FANCG: variants seen among roughly 807,000 people sequenced by gnomAD.
The protein encoded by FANCG is FA complementation group G.
A neutral mutation model predicts 73.3 loss-of-function variants in FANCG; 67 were observed. The observed-to-expected ratio is 0.91, with a 90% confidence interval of 0.75 to 1.12. The LOEUF is 1.12. Ranked by LOEUF, FANCG falls within the 50% of genes most tolerant of loss-of-function variation. FANCG has a pLI of 0.00. For missense variants in FANCG, 643 were observed against 735.6 expected (o/e 0.87, Z 1.46); for synonymous variants, 297 against 311.6 (o/e 0.95, Z 0.49).
Position 35,076,269 on chromosome 9 carries a change from C to T in FANCG, c.1076+163G>A. 4 of 850,172 alleles carry T rather than the reference C, an allele frequency of 4.7e-6. No individual in the cohort carries two copies. The South Asian group carries it at 5.6e-5, about 12-fold the overall frequency. The allele number at this position is 850,172 out of a possible 1,614,324, so 52.7% of individuals were successfully genotyped here. On this transcript the variant is annotated intron_variant, in intron 8 of 13. Coordinates refer to ENST00000378643, the MANE Select transcript of FANCG (RefSeq NM_004629.2). Reference sequence around the variant, plus strand: ...AAGGTTAATGTCTTAGAGAAGAGTCCTCAGTTCAGGTCTAGAAGCAAGGTA... The same window carrying T: ...AAGGTTAATGTCTTAGAGAAGAGTCTTCAGTTCAGGTCTAGAAGCAAGGTA...
At position 35,078,198 on chromosome 9, in the gene FANCG, C is replaced by T; in HGVS notation, c.453G>A (p.Leu151=). The change falls in exon 4 of 14, where the codon TTG becomes TTA. Residue 151 remains leucine (L), a synonymous_variant. Transcript: ENST00000378643. ...RLVGLQAALW[L]SADRLGDLAL... ...CCAGGTCCCCAAGACGGTCAGCACT[C>T]AACCAGAGGGCAGCCTGCAGGCCAA... 1 of 1,614,198 alleles carries T rather than the reference C, an allele frequency of 6.2e-7. No individual in the cohort carries two copies. The highest frequency in any genetic ancestry group is 8.5e-7 in the Non-Finnish European group (1 of 1,180,044).
Position 35,076,565 on chromosome 9 carries a change from T to C in FANCG, c.943A>G (p.Ser315Gly), listed in dbSNP as rs1266342011. 2 of 1,614,050 alleles carry C rather than the reference T, an allele frequency of 1.2e-6. No individual in the cohort carries two copies. Among genetic ancestry groups the C allele is most frequent in the African/African-American group, 1.3e-5 (1 of 74,924 alleles). Residue 315 changes from serine (S) to glycine (G), a missense_variant, in exon 8 of 14, where the codon AGT becomes GGT. Coordinates refer to ENST00000378643, the MANE Select transcript of FANCG (RefSeq NM_004629.2). ...ATGAGAAACTGCGGGGCTTTGGAACTGCATGGGACATTCAAGGCCTAAAAG... is the reference window on the plus strand; with the variant it reads ...ATGAGAAACTGCGGGGCTTTGGAACCGCATGGGACATTCAAGGCCTAAAAG... Reference protein sequence around the residue: ...LLVEALNVPCSSKAPQFLIEV... With the variant: ...LLVEALNVPCGSKAPQFLIEV...
In FANCG at chr9:35,076,955, C is replaced by T. The variant is rs759415072; in HGVS notation, c.777+16G>A. Reference sequence around the variant, plus strand: ...ATGCTTGTGGTTTCCCCAATCCACCCTAGGACTGTCTTTACCATCTTACGG... The same window carrying T: ...ATGCTTGTGGTTTCCCCAATCCACCTTAGGACTGTCTTTACCATCTTACGG... On this transcript the variant is annotated intron_variant, in intron 6 of 13. Transcript: ENST00000378643. The T allele has an allele frequency of 6.2e-7, 1 of 1,614,102 alleles. No homozygotes were observed. The highest frequency in any genetic ancestry group is 8.5e-7 in the Non-Finnish European group (1 of 1,179,994).
At chr9:35,078,834 TACAATAAAGA>T in intron 2 of FANCG, 98 bp from the exon 3 acceptor site, 1 of 1,491,278 alleles carries the variant, frequency 6.7e-7, no homozygotes, top group Non-Finnish European at 9.3e-7. Context: ...CCAAAACAGC[TACAATAAAGA>T]ACCCACCCTC....
Position 35,079,197 on chromosome 9 carries a change from A to G in FANCG, c.129T>C (p.Ala43=), listed in dbSNP as rs780764438. ...SGLTLRRQQL[A]QDALEGLRGL... ...CTCTGAGCCCTTCCAGTGCATCCTG[A>G]GCCAACTGCTGTCGCCTCAGAGTCA... Residue 43 remains alanine (A), a synonymous_variant, in exon 2 of 14, where the codon GCT becomes GCC. Coordinates refer to ENST00000378643, the MANE Select transcript of FANCG (RefSeq NM_004629.2). The G allele has an allele frequency of 2.2e-5, 36 of 1,609,166 alleles. No homozygotes were observed. The highest frequency in any genetic ancestry group is 3.1e-5 in the Non-Finnish European group (36 of 1,177,974).
Position 35,075,700 on chromosome 9 carries a change from C to G in FANCG, c.1198G>C (p.Ala400Pro). 6.2e-7 allele frequency: 1 copy of G among 1,605,478 alleles called. No homozygotes were observed. Among genetic ancestry groups the G allele is most frequent in the South Asian group, 1.1e-5 (1 of 90,902 alleles). ...CCTGCCTGGATCAGTGCTACCGCTG[C>G]CTCCAAAAACACCTCAGGCATACAG... ...GPCMPEVFLE[A>P]AVALIQAGRA... The change falls in exon 10 of 14, where the codon GCA (alanine) becomes CCA (proline). Residue 400 changes from alanine (A) to proline (P), a missense_variant. By Grantham distance (27) the Ala-to-Pro change is conservative. Transcript: ENST00000378643.
chr9:35,075,456 C>T lies in FANCG; in HGVS notation c.1433+9G>A, dbSNP rs187315404. ...TCCCTCCACACCCCCTCTAGGACCC[C>T]GGGCTCACCTGCTAAATTCACTAAT... On this transcript the variant is annotated intron_variant, in intron 10 of 13. Coordinates refer to ENST00000378643, the MANE Select transcript of FANCG (RefSeq NM_004629.2). The T allele has an allele frequency of 5.0e-5, 80 of 1,614,082 alleles. No individual in the cohort carries two copies. Among genetic ancestry groups the T allele is most frequent in the Non-Finnish European group, 6.3e-5 (74 of 1,180,020 alleles).
Position 35,078,662 on chromosome 9 carries a change from A to C in FANCG, c.250T>G (p.Leu84Val). 6.2e-7 allele frequency: 1 copy of C among 1,614,166 alleles called. No homozygotes were observed. Among genetic ancestry groups the C allele is most frequent in the Non-Finnish European group, 8.5e-7 (1 of 1,180,040 alleles). The change falls in exon 3 of 14, where the codon TTG becomes GTG. Residue 84 changes from leucine to valine, a missense_variant. Physicochemically the swap from Leu to Val is conservative, Grantham distance 32. Transcript: ENST00000378643. ...TCNFIILRAS[L>V]AQGFTEDQAQ... Reference sequence around the variant, plus strand: ...TGATCCTCTGTGAAACCCTGGGCCAAGCTTGCCCTCAGGATAATGAAGTTG... The same window carrying C: ...TGATCCTCTGTGAAACCCTGGGCCACGCTTGCCCTCAGGATAATGAAGTTG...
Position 35,075,337 on chromosome 9 carries a change from CACAGA to C in FANCG, c.1434-17_1434-13del, listed in dbSNP as rs1341690670. The C allele has an allele frequency of 6.2e-7, 1 of 1,614,086 alleles. No individual in the cohort carries two copies. The highest frequency in any genetic ancestry group is 1.7e-5 in the Admixed American group (1 of 60,026). On this transcript the variant is annotated splice_polypyrimidine_tract_variant and intron_variant, in intron 10 of 13. Transcript: ENST00000378643. Reference sequence around the variant, plus strand: ...GCAGCTCGAGGCACCTGAAGTAGGACACAGAACAGGGGTGAAGAGGAATCAATTTC... The same window carrying C: ...GCAGCTCGAGGCACCTGAAGTAGGACACAGGGGTGAAGAGGAATCAATTTC...
chr9:35,075,739 AGGGGGGT>A lies in FANCG; in HGVS notation c.1152_1158del (p.Pro386LeufsTer15). ...TCAGGCATACAGGGCCCTGGAGGGG[AGGGGGGT>A]GGGGAGAACTGGAGTGGGAAGAAGA... On this transcript the variant is annotated frameshift_variant, in exon 10 of 14. Transcript: ENST00000378643. LOFTEE classifies it high-confidence loss of function. The A allele has an allele frequency of 2.1e-5, 12 of 567,084 alleles. No individual in the cohort carries two copies. The highest frequency in any genetic ancestry group is 4.8e-5 in the East Asian group (1 of 20,702). The allele number at this position is 567,084 out of a possible 1,614,324, so 35.1% of individuals were successfully genotyped here. A position where few individuals can be genotyped will look rare whatever the true frequency, so the allele number is the denominator to read the frequency against.
chr9:35,079,585 CCAAGCTCCCAACCCCAGCGGG>C lies in FANCG; in HGVS notation c.-82_-62del. On this transcript the variant is annotated 5_prime_UTR_variant, in exon 1 of 14. Coordinates refer to ENST00000378643, the MANE Select transcript of FANCG (RefSeq NM_004629.2). ...CTTAGGAAGGGTGAAGCTGGCCTGCCCAAGCTCCCAACCCCAGCGGGGAGGGGCCTGGGCACTTCTGCACCC... is the reference window on the plus strand; with the variant it reads ...CTTAGGAAGGGTGAAGCTGGCCTGCCGAGGGGCCTGGGCACTTCTGCACCC... 6.4e-7 allele frequency: 1 copy of C among 1,552,572 alleles called. No individual in the cohort carries two copies. The highest frequency in any genetic ancestry group is 8.9e-7 in the Non-Finnish European group (1 of 1,125,544).
intron 5 of FANCG, 66 bp from the exon 6 acceptor site, chr9:35,077,167 G>A: frequency 3.7e-6 from 6 of 1,613,860 alleles, no homozygotes; most frequent in South Asian, 3.3e-5. Flanking sequence ...GGGAACAAGG[G>A]TCTAAGAAGC....
chr9:35,078,820 C>G, intron 2 of FANCG, 84 bp from the exon 3 acceptor site: 1 of 1,550,032 alleles, frequency 6.5e-7, no homozygotes, highest in Non-Finnish European at 8.9e-7. Flanking sequence ...TCACCCCACT[C>G]CAACCAAAAC....
rs1336028280 is a variant in FANCG, at chr9:35,078,127, A to C, written c.510+14T>G. On this transcript the variant is annotated intron_variant, in intron 4 of 13. Coordinates refer to ENST00000378643, the MANE Select transcript of FANCG (RefSeq NM_004629.2). ...AGGAGGAGACCCTCAGCTTCAGGTC[A>C]CTTTCCCTATTACCTGGCTGCCATT... 1 of 1,612,836 alleles carries C rather than the reference A, an allele frequency of 6.2e-7. No homozygotes were observed. The highest frequency in any genetic ancestry group is 1.1e-5 in the South Asian group (1 of 91,064).
intron 4 of FANCG, among the ~76,000 whole-genome samples, 195 bp from the exon 5 acceptor site, chr9:35,077,594 T>C (rs574936344): frequency 3.9e-5 from 6 of 151,922 alleles, no homozygotes; most frequent in Non-Finnish European, 7.4e-5. Context: ...TAGATAGCTA[T>C]GAGGCAAGAA....
Position 35,075,991 on chromosome 9 carries a change from C to T in FANCG, c.1114G>A (p.Ala372Thr). The T allele has an allele frequency of 6.2e-7, 1 of 1,614,130 alleles. No homozygotes were observed. The highest frequency in any genetic ancestry group is 8.5e-7 in the Non-Finnish European group (1 of 1,180,034). Residue 372 changes from alanine to threonine, a missense_variant, in exon 9 of 14, where the codon GCC (alanine) becomes ACC (threonine). By Grantham distance (58) the Ala-to-Thr change is moderately conservative. Coordinates refer to ENST00000378643, the MANE Select transcript of FANCG (RefSeq NM_004629.2). Reference sequence around the variant, plus strand: ...GGCTCCGAGCTATCCAGCAACAGGGCCAGCAGGTCCAAGTAATGCTCTGCA... The same window carrying T: ...GGCTCCGAGCTATCCAGCAACAGGGTCAGCAGGTCCAAGTAATGCTCTGCA... ...DAAEHYLDLL[A>T]LLLDSSEPRF...
At chr9:35,078,809 A>G (rs1402571488) in intron 2 of FANCG, 73 bp from the exon 3 acceptor site, 1 of 1,591,884 alleles carries the variant, frequency 6.3e-7, no homozygotes, top group African/African-American at 1.3e-5. Flanking sequence ...CAACTCAGAG[A>G]TCACCCCACT....
rs200074432 is a variant in FANCG, at chr9:35,078,193, G to C, written c.458C>G (p.Ala153Gly). 157 of 1,614,202 alleles carry C rather than the reference G, an allele frequency of 9.7e-5. 2 individuals are homozygous for C. In the East Asian group the frequency reaches 3.5e-3, roughly 36 times the overall value. Residue 153 changes from alanine to glycine, a missense_variant, in exon 4 of 14, where the codon GCT becomes GGT. Coordinates refer to ENST00000378643, the MANE Select transcript of FANCG (RefSeq NM_004629.2). Reference sequence around the variant, plus strand: ...CAAGGCCAGGTCCCCAAGACGGTCAGCACTCAACCAGAGGGCAGCCTGCAG... The same window carrying C: ...CAAGGCCAGGTCCCCAAGACGGTCACCACTCAACCAGAGGGCAGCCTGCAG... ...VGLQAALWLS[A>G]DRLGDLALLL...
rs118010505 is a variant in FANCG at position 35,079,418 on chromosome 9, G to A, written c.84+23C>T. On this transcript the variant is annotated intron_variant, in intron 1 of 13. Transcript: ENST00000378643. ...TTCAGGGATCTTGAGGCTGCAAACCGAGGGTGCCAGCAACCGTGTTACCTT... is the reference window on the plus strand; with the variant it reads ...TTCAGGGATCTTGAGGCTGCAAACCAAGGGTGCCAGCAACCGTGTTACCTT... The A allele has an allele frequency of 2.5e-6, 4 of 1,613,590 alleles. No homozygotes were observed. The East Asian group carries it at 8.9e-5, about 36-fold the overall frequency.
Sources: gnomAD v4.1 joint callset for allele counts (sites outside exome capture counted in the v4.1 genomes callset) on GRCh38, gnomAD v4.1.1 for gene constraint, MANE v1.5 for transcripts, NCBI Gene and HGNC (gene_info 2026-07-23, HGNC 2026-07-21) for gene names.